Variants in ASB6 observed in about 807,000 individuals in gnomAD.
ASB6 encodes the protein ankyrin repeat and SOCS box containing 6, also known as ankyrin repeat and SOCS box protein 6.
In ASB6, 24 loss-of-function variants were observed where a neutral mutation model predicts 28.6. That is an observed-to-expected ratio of 0.84 (90% confidence interval 0.61 to 1.18). The LOEUF is 1.18. ASB6 is among the 50% of genes most tolerant of loss of function. The pLI is 0.00. For synonymous variants in ASB6, 267 were observed against 243.4 expected, an observed-to-expected ratio of 1.10 and a Z score of -0.90; for missense variants, 519 against 559.8, an observed-to-expected ratio of 0.93 and a Z score of 0.74.
intron 2 of ASB6, among the ~76,000 whole-genome samples, chr9:129,640,050 C>CA (rs1219081944): frequency 6.6e-6 from 1 of 152,176 alleles, no homozygotes; most frequent in Non-Finnish European, 1.5e-5. Flanking sequence ...CTGAAAAACA[C>CA]AGAGAAAGGA....
Position 129,638,461 on chromosome 9 carries a change from G to C in ASB6, c.599-4C>G, listed in dbSNP as rs374542673. 12 of 1,609,088 alleles carry C rather than the reference G, an allele frequency of 7.5e-6. No homozygotes were observed. The highest frequency in any genetic ancestry group is 9.4e-6 in the Non-Finnish European group (11 of 1,176,432). ...GTGGTGGCCTTGACGTCTGCCCCTA[G>C]AAGAGCCATAGAACAAGAGATGCTG... On this transcript the variant is annotated splice_region_variant and splice_polypyrimidine_tract_variant and intron_variant, in intron 5 of 5. Transcript: ENST00000277458.
chr9:129,640,815 A>G, intron 1 of ASB6, 93 bp from the exon 2 acceptor site: 2 of 1,457,934 alleles, frequency 1.4e-6, no homozygotes, highest in South Asian at 2.5e-5. Flanking sequence ...TGCTATCATC[A>G]TCAGCAAGCA....
rs1344886806 is a variant in ASB6 at position 129,637,475 on chromosome 9, G to C, written c.*315C>G. ...GGGTGCTGAGGCTTGGTCCTTCCCAGCTTCTGCAAATGCCCTGGCACTGCC... is the reference window on the plus strand; with the variant it reads ...GGGTGCTGAGGCTTGGTCCTTCCCACCTTCTGCAAATGCCCTGGCACTGCC... On this transcript the variant is annotated 3_prime_UTR_variant, in exon 6 of 6. Coordinates refer to ENST00000277458, the MANE Select transcript of ASB6 (RefSeq NM_017873.4). 1.4e-5 allele frequency: 3 copies of C among 217,308 alleles called. No individual in the cohort carries two copies. Among genetic ancestry groups the C allele is most frequent in the Non-Finnish European group, 2.7e-5 (3 of 110,842 alleles). The allele number at this position is 217,308 out of a possible 1,614,324, so 13.5% of individuals were successfully genotyped here.
At position 129,635,627 on chromosome 9, in the gene ASB6, G is replaced by A. The variant is rs1831508385; in HGVS notation, c.*2163C>T. The A allele has an allele frequency of 4.5e-6, 4 of 880,268 alleles. No individual in the cohort carries two copies. In the Admixed American group the frequency reaches 9.4e-5, roughly 21 times the overall value. The allele number at this position is 880,268 out of a possible 1,614,324, so 54.5% of individuals were successfully genotyped here. On this transcript the variant is annotated 3_prime_UTR_variant, in exon 6 of 6. Transcript: ENST00000277458. ...ATGCGGGCTCTTCTTCAAAAGGCAAGGTGGGACCCGGCGGGGAGGGTGCTG... is the reference window on the plus strand; with the variant it reads ...ATGCGGGCTCTTCTTCAAAAGGCAAAGTGGGACCCGGCGGGGAGGGTGCTG...
Position 129,638,439 on chromosome 9 carries a change from G to A in ASB6, c.617C>T (p.Thr206Ile). ...LLEGGADVKA[T>I]TKDGDTVFTC... ...GAACACTGTGTCCCCATCTTTGGTG[G>A]TGGCCTTGACGTCTGCCCCTAGAAG... The change falls in exon 6 of 6, where the codon ACC becomes ATC. Residue 206 changes from threonine (T) to isoleucine (I), a missense_variant. By Grantham distance (89) the Thr-to-Ile change is moderately conservative. Coordinates refer to ENST00000277458, the MANE Select transcript of ASB6 (RefSeq NM_017873.4). 1 of 1,610,960 alleles carries A rather than the reference G, an allele frequency of 6.2e-7. No homozygotes were observed. Among genetic ancestry groups the A allele is most frequent in the South Asian group, 1.1e-5 (1 of 90,934 alleles).
chr9:129,635,695 C>A lies in ASB6; in HGVS notation c.*2095G>T. The A allele has an allele frequency of 1.9e-6, 1 of 530,096 alleles. No homozygotes were observed. The highest frequency in any genetic ancestry group is 3.3e-6 in the Non-Finnish European group (1 of 299,286). The allele number at this position is 530,096 out of a possible 1,614,324, so 32.8% of individuals were successfully genotyped here. A position where few individuals can be genotyped will look rare whatever the true frequency, so the allele number is the denominator to read the frequency against. ...CAGGAGCCCAGACCCTGCTCTCCTG[C>A]GAGATGGGATTGGGTGGAAGGGGCT... On this transcript the variant is annotated 3_prime_UTR_variant, in exon 6 of 6. Coordinates refer to ENST00000277458, the MANE Select transcript of ASB6 (RefSeq NM_017873.4).
In ASB6 at chr9:129,642,026, G is replaced by T; in HGVS notation, c.-27C>A. ...GCCGCGGGCCCCGCGCAGCAGGGCC[G>T]TCGCGCTTTCTGCCGAGGCCGAGAT... On this transcript the variant is annotated 5_prime_UTR_variant, in exon 1 of 6. Coordinates refer to ENST00000277458, the MANE Select transcript of ASB6 (RefSeq NM_017873.4). The surrounding 1 kb of genome is among the most constrained non-coding windows in gnomAD (Gnocchi z 4.3). 2.6e-6 allele frequency: 4 copies of T among 1,566,250 alleles called. No individual in the cohort carries two copies. Among genetic ancestry groups the T allele is most frequent in the Non-Finnish European group, 3.5e-6 (4 of 1,156,412 alleles).
At position 129,640,580 on chromosome 9, in the gene ASB6, C is replaced by A. The variant is rs765901730; in HGVS notation, c.256G>T (p.Asp86Tyr). 1 of 1,612,282 alleles carries A rather than the reference C, an allele frequency of 6.2e-7. No homozygotes were observed. Among genetic ancestry groups the A allele is most frequent in the African/African-American group, 1.3e-5 (1 of 74,862 alleles). ...MAELGLTRAA[D>Y]VLLRHGANLN... The stretch of plus-strand genomic sequence containing the variant: ...TTGGCCCCATGCCGCAAGAGAACGT[C>A]GGCCGCCCGCGTCAGCCCCAGCTCA... Residue 86 changes from aspartate (D) to tyrosine (Y), a missense_variant, in exon 2 of 6, where the codon GAC becomes TAC. Coordinates refer to ENST00000277458, the MANE Select transcript of ASB6 (RefSeq NM_017873.4).
chr9:129,639,340 TTGGGAAGC>T, intron 3 of ASB6, 30 bp from the exon 4 acceptor site: 1 of 1,602,946 alleles, frequency 6.2e-7, no homozygotes, highest in Non-Finnish European at 8.5e-7. Flanking sequence ...CCAGGTTGGC[TTGGGAAGC>T]TGCTCAGGCC....
chr9:129,636,546 AATC>A lies in ASB6; in HGVS notation c.*1241_*1243del, dbSNP rs1366207989. The A allele has an allele frequency of 2.0e-5, 3 of 151,344 alleles. No homozygotes were observed. The highest frequency in any genetic ancestry group is 2.9e-5 in the Non-Finnish European group (2 of 67,936). The allele number at this position is 151,344 out of a possible 1,614,324, so 9.4% of individuals were successfully genotyped here. ...ACCCCGTCTCTACTAAAAATACAAAAATCAGCCAGGCATGGTGGTGGGCACCTA... is the reference window on the plus strand; with the variant it reads ...ACCCCGTCTCTACTAAAAATACAAAAAGCCAGGCATGGTGGTGGGCACCTA... On this transcript the variant is annotated 3_prime_UTR_variant, in exon 6 of 6. Transcript: ENST00000277458.
At chr9:129,641,041 G>A (rs41278726) in intron 1 of ASB6, 14,999 of 303,768 alleles carry the variant, frequency 0.049, 482 homozygotes, top group South Asian at 0.097. Context: ...CACCAGCCTG[G>A]AGGCCAAGAG....
Position 129,642,105 on chromosome 9 carries a change from AGT to A in ASB6, c.-108_-107del. 7.3e-6 allele frequency: 10 copies of A among 1,361,596 alleles called. No individual in the cohort carries two copies. The highest frequency in any genetic ancestry group is 9.5e-6 in the Non-Finnish European group (10 of 1,057,554). 84.3% of individuals were successfully genotyped at this position (1,361,596 alleles called of 1,614,324 possible). A position where few individuals can be genotyped will look rare whatever the true frequency, so the allele number is the denominator to read the frequency against. ...GGCCGCGGACCCCACCTGCTCCGCC[AGT>A]CCAGCCCCTGCGCCCGGCCGGGTCC... On this transcript the variant is annotated 5_prime_UTR_variant, in exon 1 of 6. Transcript: ENST00000277458. This position sits in a 1 kb window ranked among gnomAD's most constrained non-coding sequence, Gnocchi z 4.3.
In ASB6 at chr9:129,635,541, A is replaced by G; in HGVS notation, c.*2249T>C. 1 of 1,514,986 alleles carries G rather than the reference A, an allele frequency of 6.6e-7. No homozygotes were observed. Among genetic ancestry groups the G allele is most frequent in the South Asian group, 1.2e-5 (1 of 80,198 alleles). 93.8% of individuals were successfully genotyped at this position (1,514,986 alleles called of 1,614,324 possible). ...GGCAGCTGGGCAAGATCCAGGCGCC[A>G]CGCTGGCGGTTCGTGAGTGTCGAGG... On this transcript the variant is annotated 3_prime_UTR_variant, in exon 6 of 6. Coordinates refer to ENST00000277458, the MANE Select transcript of ASB6 (RefSeq NM_017873.4).
Position 129,638,633 on chromosome 9 carries a change from C to T in ASB6, c.538G>A (p.Ala180Thr). The T allele has an allele frequency of 6.2e-7, 1 of 1,613,596 alleles. No individual in the cohort carries two copies. Among genetic ancestry groups the T allele is most frequent in the Non-Finnish European group, 8.5e-7 (1 of 1,179,776 alleles). ...HGKTALLHAL[A>T]SSDGVQIHNT... ...TGGATCTGCACCCCGTCGCTGCTGG[C>T]CAGAGCATGGAGCAGAGCAGTTTTT... Residue 180 changes from alanine (A) to threonine (T), a missense_variant, in exon 5 of 6, where the codon GCC (alanine) becomes ACC (threonine). Transcript: ENST00000277458.
At position 129,636,678 on chromosome 9, in the gene ASB6, CAG is replaced by C. The variant is rs1327549752; in HGVS notation, c.*1110_*1111del. ...CACCATTGCACTCCAGCCTGGGTGA[CAG>C]AGTGTCTCGAAAAAAAAAAATAATA... is the stretch of plus-strand genomic sequence containing the variant. On this transcript the variant is annotated 3_prime_UTR_variant, in exon 6 of 6. Coordinates refer to ENST00000277458, the MANE Select transcript of ASB6 (RefSeq NM_017873.4). 4 of 151,962 alleles carry C rather than the reference CAG, an allele frequency of 2.6e-5. No individual in the cohort carries two copies. The highest frequency in any genetic ancestry group is 2.1e-4 in the South Asian group (1 of 4,814). The allele number at this position is 151,962 out of a possible 1,614,324, so 9.4% of individuals were successfully genotyped here. A position where few individuals can be genotyped will look rare whatever the true frequency, so the allele number is the denominator to read the frequency against.
rs759624504 is a variant in ASB6, at chr9:129,635,180, C to T, written c.*2610G>A. ...TGCCGACATCCGCTTGCATGGTGCC[C>T]TGGTAACCTTGCCTCTGCCCTCCCC... On this transcript the variant is annotated 3_prime_UTR_variant, in exon 6 of 6. Coordinates refer to ENST00000277458, the MANE Select transcript of ASB6 (RefSeq NM_017873.4). The T allele has an allele frequency of 5.6e-6, 9 of 1,594,624 alleles. No homozygotes were observed. Among genetic ancestry groups the T allele is most frequent in the Non-Finnish European group, 7.7e-6 (9 of 1,174,246 alleles).
rs1397090994 is a variant in ASB6 at position 129,635,637 on chromosome 9, G to A, written c.*2153C>T. ...TTCTTCAAAAGGCAAGGTGGGACCC[G>A]GCGGGGAGGGTGCTGCTGAACCAGC... On this transcript the variant is annotated 3_prime_UTR_variant, in exon 6 of 6. Coordinates refer to ENST00000277458, the MANE Select transcript of ASB6 (RefSeq NM_017873.4). 1.5e-5 allele frequency: 12 copies of A among 796,034 alleles called. 1 individual carries two copies. The highest frequency in any genetic ancestry group is 9.8e-5 in the Admixed American group (4 of 40,978). 49.3% of individuals were successfully genotyped at this position (796,034 alleles called of 1,614,324 possible). A position where few individuals can be genotyped will look rare whatever the true frequency, so the allele number is the denominator to read the frequency against.
rs1178478327 is a variant in ASB6 at position 129,641,685 on chromosome 9, C to CCCTCG, written c.113+201_113+202insCGAGG. Among the ~76,000 whole-genome samples, 106 of 81,586 alleles carry CCCTCG rather than the reference C, an allele frequency of 1.3e-3. 1 individual carries two copies. The highest frequency in any genetic ancestry group is 2.3e-3 in the Non-Finnish European group (80 of 35,482). 53.5% of individuals were successfully genotyped at this position (81,586 alleles called of 152,430 possible). ...CGCGGGCCTCCGCCCTCGGGCCCTC[C>CCCTCG]CCGCCCTTCGTCTCCGCCATGCAAG... On this transcript the variant is annotated intron_variant, in intron 1 of 5. Transcript: ENST00000277458.
rs144508378 is a variant in ASB6 at position 129,640,676 on chromosome 9, C to T, written c.160G>A (p.Glu54Lys). The T allele has an allele frequency of 1.4e-5, 23 of 1,614,184 alleles. No individual in the cohort carries two copies. The highest frequency in any genetic ancestry group is 1.7e-5 in the Non-Finnish European group (20 of 1,180,032). ...GAGTGGGCTTTCCTCTCCAGCAGCT[C>T]AGTGAGAACAAGGATTCGGCTCTCC... ...SEESRILVLT[E>K]LLERKAHSPF... The change falls in exon 2 of 6, where the codon GAG (glutamate) becomes AAG (lysine). Residue 54 changes from glutamate to lysine, a missense_variant. Coordinates refer to ENST00000277458, the MANE Select transcript of ASB6 (RefSeq NM_017873.4).
Sources: allele counts gnomAD v4.1 joint callset (sites outside exome capture counted in the v4.1 genomes callset), GRCh38; gene constraint gnomAD v4.1.1; non-coding constraint Gnocchi (gnomAD v3.1); transcripts MANE v1.5; gene names NCBI Gene and HGNC (gene_info 2026-07-23, HGNC 2026-07-21).